Variants in PRKG1 observed in about 807,000 individuals in gnomAD.
The protein encoded by PRKG1 is protein kinase cGMP-dependent 1.
In PRKG1, 35 loss-of-function variants were observed where a neutral mutation model predicts 88.1. The ratio of observed to expected loss-of-function variants is 0.40; its 90% CI spans 0.30 to 0.53. The LOEUF is 0.53. Ranked by LOEUF, PRKG1 falls within the 20% of genes least tolerant of loss-of-function variation. The pLI is 0.59. For missense variants in PRKG1, 540 were observed against 839.8 expected (o/e 0.64, Z 4.41); for synonymous variants, 303 against 292.5 (o/e 1.04, Z -0.37).
chr10:52,246,052 A>C (rs551371223), intron 9 of PRKG1, among the ~76,000 whole-genome samples: 1 of 152,136 alleles, frequency 6.6e-6, no homozygotes, highest in Non-Finnish European at 1.5e-5. Context: ...TGAGTTTCAC[A>C]AATTTTGTCC....
intron 4 of PRKG1, among the ~76,000 whole-genome samples, chr10:51,831,306 G>GA (rs750341290): frequency 1.3e-5 from 2 of 151,232 alleles, no homozygotes; most frequent in Non-Finnish European, 2.9e-5. Context: ...GTTCATGGTA[G>GA]AAAATGTAGA....
chr10:52,247,904 A>G (rs1343199009), intron 9 of PRKG1, among the ~76,000 whole-genome samples: 1 of 152,232 alleles, frequency 6.6e-6, no homozygotes, highest in African/African-American at 2.4e-5. Flanking sequence ...CACAGCTTTC[A>G]GAGCTGAGAG....
At chr10:51,003,840 C>A (rs912781346) in intron 1 of PRKG1, among the ~76,000 whole-genome samples, 3 of 152,024 alleles carry the variant, frequency 2.0e-5, no homozygotes, top group African/African-American at 7.3e-5. Context: ...CCTCAGTAAC[C>A]TGCTCTTTTT....
At chr10:51,280,321 C>G (rs1203311560) in intron 2 of PRKG1, among the ~76,000 whole-genome samples, 3 of 152,126 alleles carry the variant, frequency 2.0e-5, no homozygotes, top group Non-Finnish European at 4.4e-5. Context: ...TTCATTTCAA[C>G]TTTGGTGAAT....
At chr10:51,488,563 G>C (rs1296228039) in intron 3 of PRKG1, among the ~76,000 whole-genome samples, 1 of 152,092 alleles carries the variant, frequency 6.6e-6, no homozygotes, top group Non-Finnish European at 1.5e-5. Context: ...TTTACTACTA[G>C]ATGATGTTTG....
At chr10:51,565,294 A>G (rs1466086573) in intron 3 of PRKG1, among the ~76,000 whole-genome samples, 1 of 152,060 alleles carries the variant, frequency 6.6e-6, no homozygotes, top group Admixed American at 6.6e-5. Flanking sequence ...TTGTCTTCAT[A>G]CTGTCCTCAC....
intron 5 of PRKG1, among the ~76,000 whole-genome samples, chr10:52,038,772 G>A (rs115908577): frequency 0.024 from 3,643 of 152,246 alleles, 131 homozygotes; most frequent in African/African-American, 0.081. Context: ...AAACACCAGG[G>A]GAAGGCTGCC....
chr10:51,292,824 A>T (rs945510785), intron 2 of PRKG1, among the ~76,000 whole-genome samples: 4 of 152,150 alleles, frequency 2.6e-5, no homozygotes, highest in African/African-American at 9.7e-5. Flanking sequence ...CTATATTTTT[A>T]AATTTTGTAC....
chr10:51,268,899 G>A (rs1172715304), intron 2 of PRKG1, among the ~76,000 whole-genome samples: 1 of 152,138 alleles, frequency 6.6e-6, no homozygotes, highest in Non-Finnish European at 1.5e-5. Flanking sequence ...TTAATTTGGG[G>A]AACTAATAAA....
chr10:51,344,019 C>T (rs1480593679), intron 2 of PRKG1, among the ~76,000 whole-genome samples: 1 of 152,142 alleles, frequency 6.6e-6, no homozygotes, highest in Admixed American at 6.5e-5. Context: ...CTGAACATTT[C>T]TATGTTGTGG....
chr10:51,560,702 A>G (rs1383393925), intron 3 of PRKG1, among the ~76,000 whole-genome samples: 5 of 152,056 alleles, frequency 3.3e-5, no homozygotes, highest in African/African-American at 1.2e-4. Flanking sequence ...TATTTTATAT[A>G]TAATTAATTG....
At chr10:51,699,249 ACTC>A in intron 3 of PRKG1, 1 of 1,613,380 alleles carries the variant, frequency 6.2e-7, no homozygotes, top group Non-Finnish European at 8.5e-7. Context: ...AGGCTCTTTA[ACTC>A]CTCCTTATTC....
At chr10:51,713,984 ATTTTTATT>A (rs1841823318) in intron 3 of PRKG1, among the ~76,000 whole-genome samples, 2 of 151,956 alleles carry the variant, frequency 1.3e-5, no homozygotes, top group South Asian at 2.1e-4. Context: ...TTTTATTCTT[ATTTTTATT>A]TTTTTGAGAC....
At chr10:51,342,660 C>T (rs1210586560) in intron 2 of PRKG1, among the ~76,000 whole-genome samples, 1 of 152,040 alleles carries the variant, frequency 6.6e-6, no homozygotes, top group Non-Finnish European at 1.5e-5. Flanking sequence ...TCTATACTCT[C>T]CTGTCACCAA....
chr10:51,408,611 C>T (rs1050455466), intron 2 of PRKG1, among the ~76,000 whole-genome samples: 2 of 152,172 alleles, frequency 1.3e-5, no homozygotes, highest in Non-Finnish European at 2.9e-5. Flanking sequence ...GGTGCCATAT[C>T]GAGTGCTCAG....
intron 3 of PRKG1, among the ~76,000 whole-genome samples, chr10:51,735,879 ATGTATATTTATTTATT>A (rs980216524): frequency 1.1e-4 from 5 of 44,798 alleles, no homozygotes; most frequent in African/African-American, 6.2e-4. Flanking sequence ...ATATATATAT[ATGTATATTTATTTATT>A]TATTTATTTA....
intron 3 of PRKG1, among the ~76,000 whole-genome samples, chr10:51,495,210 T>C (rs756583767): frequency 2.4e-4 from 36 of 152,164 alleles, no homozygotes; most frequent in Non-Finnish European, 3.7e-4. Flanking sequence ...TTCTCCTGCC[T>C]CAGCCTCCTG....
At chr10:51,358,938 G>C (rs936597279) in intron 2 of PRKG1, among the ~76,000 whole-genome samples, 1 of 150,008 alleles carries the variant, frequency 6.7e-6, no homozygotes, top group Non-Finnish European at 1.5e-5. Context: ...ATTTATTGGG[G>C]GGGGGGGTGT....
At chr10:52,174,569 A>C (rs910768856) in intron 9 of PRKG1, among the ~76,000 whole-genome samples, 20 of 152,054 alleles carry the variant, frequency 1.3e-4, no homozygotes, top group Admixed American at 3.3e-4. Flanking sequence ...ATTTTAAAAA[A>C]CCAAAGAGAT....
Sources: gnomAD v4.1 joint callset for allele counts (sites outside exome capture counted in the v4.1 genomes callset) on GRCh38, gnomAD v4.1.1 for gene constraint, MANE v1.5 for transcripts, NCBI Gene and HGNC (gene_info 2026-07-23, HGNC 2026-07-21) for gene names.